Variants in CLIC5 observed in about 807,000 individuals in gnomAD.
The protein encoded by CLIC5 is chloride intracellular channel protein 5.
In CLIC5, 20 loss-of-function variants were observed where a neutral mutation model predicts 24.7. The observed-to-expected ratio is 0.81, with a 90% CI of 0.57 to 1.18. The LOEUF (loss-of-function observed/expected upper bound fraction) is 1.18. Ranked by LOEUF, CLIC5 falls within the 50% of genes most tolerant of loss-of-function variation. CLIC5 has a pLI of 0.00. For synonymous variants in CLIC5, 159 were observed against 135.6 expected (o/e 1.17, Z -1.20); for missense variants, 341 against 326.1 (o/e 1.05, Z -0.35).
exon 1 of CLIC5, chr6:46,079,932 C>A (rs1231742139): frequency 6.4e-7 from 1 of 1,551,716 alleles, no homozygotes. Flanking sequence ...CATTGAGATG[C>A]CCCTGTCCTC....
At chr6:46,091,608 C>A in the CLIC5 span, among the ~76,000 whole-genome samples, 1 of 152,152 alleles carries the variant, frequency 6.6e-6, no homozygotes, top group Non-Finnish European at 1.5e-5. Context: ...TATGGCAGTG[C>A]ATGCCTGTGG....
intron 1 of CLIC5, among the ~76,000 whole-genome samples, chr6:45,982,415 G>C (rs1416044682): frequency 6.6e-6 from 1 of 152,074 alleles, no homozygotes; most frequent in Non-Finnish European, 1.5e-5. Context: ...GATGCATTCT[G>C]AGAAAGGGAT....
chr6:46,033,295 A>G lies in CLIC5; in HGVS notation c.540+46408T>C, dbSNP rs544160241. 5.0e-4 allele frequency among the ~76,000 whole-genome samples: 73 copies of G among 145,356 alleles called. 1 individual carries two copies. The highest frequency in any genetic ancestry group is 1.8e-3 in the African/African-American group (71 of 38,888). On this transcript the variant is annotated intron_variant, in intron 1 of 5. Coordinates refer to the CLIC5 transcript ENST00000185206. Reference sequence around the variant, plus strand: ...AGCCACCACACCCGGCCAAATCTATAGTTTTTTTTTTTTTAAGATGTATGC... The same window carrying G: ...AGCCACCACACCCGGCCAAATCTATGGTTTTTTTTTTTTTAAGATGTATGC...
chr6:46,024,080 G>A (rs1460120560), intron 1 of CLIC5, among the ~76,000 whole-genome samples: 4 of 152,188 alleles, frequency 2.6e-5, no homozygotes, highest in Non-Finnish European at 4.4e-5. Context: ...GGAATAGGAA[G>A]CCAGCAGTTA....
upstream of CLIC5, among the ~76,000 whole-genome samples, chr6:46,083,600 A>C (rs1322312975): frequency 1.3e-5 from 2 of 152,104 alleles, no homozygotes; most frequent in Non-Finnish European, 2.9e-5. Flanking sequence ...TGAGTTTCTT[A>C]ATCCTGAGTT....
At chr6:46,093,163 G>A in the CLIC5 span, among the ~76,000 whole-genome samples, 2 of 151,956 alleles carry the variant, frequency 1.3e-5, no homozygotes, top group African/African-American at 4.8e-5. Flanking sequence ...TTCAAATTTT[G>A]TTTTCATGTC....
chr6:46,095,529 G>A, the CLIC5 span, among the ~76,000 whole-genome samples: 6 of 152,084 alleles, frequency 3.9e-5, no homozygotes, highest in African/African-American at 1.2e-4. Context: ...ATCATCATTC[G>A]CAAGTTCAAA....
intron 4 of CLIC5, chr6:45,914,670 AGTCTGG>A (rs922382821): frequency 4.2e-6 from 2 of 478,384 alleles, no homozygotes; most frequent in Non-Finnish European, 5.7e-6. Context: ...ATAGAAACAC[AGTCTGG>A]GTGTGGTGGC....
In CLIC5 at chr6:45,948,383, A is replaced by G. The variant is rs1342405381; in HGVS notation, c.299+873T>C. 2.0e-5 allele frequency among the ~76,000 whole-genome samples: 3 copies of G among 152,040 alleles called. No homozygotes were observed. In the East Asian group the frequency reaches 5.8e-4, roughly 29 times the overall value. On this transcript the variant is annotated intron_variant, in intron 3 of 5. Transcript: ENST00000339561. The stretch of plus-strand genomic sequence containing the variant: ...CCCCAGAATTAATTCCTCTATCTCC[A>G]GCTTCATGGTCCTCTAGGATACCGA...
chr6:45,882,063 C>T (rs1214226803), intron 6 of CLIC5, among the ~76,000 whole-genome samples: 1 of 152,178 alleles, frequency 6.6e-6, no homozygotes, highest in African/African-American at 2.4e-5. Context: ...TGGAAATGCC[C>T]CATGGCCATC....
chr6:46,121,344 G>A, the CLIC5 span, among the ~76,000 whole-genome samples: 2 of 152,158 alleles, frequency 1.3e-5, no homozygotes, highest in African/African-American at 4.8e-5. Flanking sequence ...CTTCACAAGT[G>A]AAGGAGAAAT....
At chr6:45,939,998 T>G (rs1405464911) in intron 4 of CLIC5, among the ~76,000 whole-genome samples, 3 of 152,114 alleles carry the variant, frequency 2.0e-5, no homozygotes, top group African/African-American at 7.2e-5. Context: ...CTCTTTCTAG[T>G]TTCTTGACAC....
chr6:45,972,267 A>G (rs1765225574), intron 1 of CLIC5, among the ~76,000 whole-genome samples: 1 of 152,216 alleles, frequency 6.6e-6, no homozygotes, highest in South Asian at 2.1e-4. Flanking sequence ...AGCTGTCTCC[A>G]TCCCTGTAAT....
At chr6:45,888,679 A>G (rs1374230786) in intron 6 of CLIC5, among the ~76,000 whole-genome samples, 1 of 152,224 alleles carries the variant, frequency 6.6e-6, no homozygotes, top group Non-Finnish European at 1.5e-5. Flanking sequence ...GCATATTTAC[A>G]TGACTCAAAT....
At chr6:46,117,947 A>G in the CLIC5 span, among the ~76,000 whole-genome samples, 3 of 152,222 alleles carry the variant, frequency 2.0e-5, no homozygotes, top group African/African-American at 7.2e-5. Flanking sequence ...ATACTGAAAC[A>G]CAAGACAGTG....
At chr6:46,116,881 CT>C in the CLIC5 span, among the ~76,000 whole-genome samples, 13 of 152,228 alleles carry the variant, frequency 8.5e-5, no homozygotes, top group Non-Finnish European at 1.6e-4. Context: ...AGTCCTGACA[CT>C]TCCCATAGAA....
chr6:46,125,771 C>T, the CLIC5 span, among the ~76,000 whole-genome samples: 2 of 152,194 alleles, frequency 1.3e-5, no homozygotes, highest in Non-Finnish European at 2.9e-5. Context: ...TTTACAGTGA[C>T]AATGATGGCC....
At chr6:46,042,636 C>T (rs1767839749) in intron 1 of CLIC5, among the ~76,000 whole-genome samples, 1 of 151,922 alleles carries the variant, frequency 6.6e-6, no homozygotes. Flanking sequence ...CTCAATGAGA[C>T]AATGAAAAGA....
chr6:45,897,244 G>A (rs1483844333), downstream of CLIC5, among the ~76,000 whole-genome samples: 2 of 152,222 alleles, frequency 1.3e-5, no homozygotes, highest in African/African-American at 2.4e-5. Flanking sequence ...TTAACAACAA[G>A]GGGATATTTC....
Sources: allele counts gnomAD v4.1 joint callset (sites outside exome capture counted in the v4.1 genomes callset), GRCh38; gene constraint gnomAD v4.1.1; transcripts MANE v1.5; gene names NCBI Gene and HGNC (gene_info 2026-07-23, HGNC 2026-07-21).